The following ARHGAP6 variants were observed in gnomAD, a reference collection of about 807,000 sequenced individuals.
ARHGAP6 encodes rho GTPase-activating protein 6.
A neutral mutation model predicts 55.7 loss-of-function variants in ARHGAP6; 16 were observed. That is an observed-to-expected ratio of 0.29 (90% confidence interval 0.19 to 0.44). ARHGAP6 has a LOEUF of 0.44. Among genes scored for constraint, ARHGAP6 ranks in the 20% least tolerant of loss-of-function variants. The pLI is 1.00. For missense variants in ARHGAP6, 698 were observed against 808.9 expected, an observed-to-expected ratio of 0.86 and a Z score of 1.66; for synonymous variants, 382 against 360.9, an observed-to-expected ratio of 1.06 and a Z score of -0.66.
chrX:11,387,844 G>A (rs2049349623), intron 1 of ARHGAP6, among the ~76,000 whole-genome samples: 1 of 111,203 alleles, frequency 9.0e-6, no homozygotes, highest in Non-Finnish European at 1.9e-5. Context: ...CAGAATGATG[G>A]TTTCCAGCTT....
At chrX:11,278,952 A>G (rs1036421404) in intron 1 of ARHGAP6, among the ~76,000 whole-genome samples, 1 of 111,433 alleles carries the variant, frequency 9.0e-6, no homozygotes, top group Admixed American at 9.6e-5. Flanking sequence ...CTGAGGCACA[A>G]TGGGAAGAAG....
chrX:11,600,295 AC>A (rs1175891373), intron 1 of ARHGAP6, among the ~76,000 whole-genome samples: 1 of 112,409 alleles, frequency 8.9e-6, no homozygotes, highest in Non-Finnish European at 1.9e-5. Context: ...GATTAACCAG[AC>A]TGTCAAGGAC....
chrX:11,497,516 C>G (rs1305156167), intron 1 of ARHGAP6, among the ~76,000 whole-genome samples: 2 of 105,478 alleles, frequency 1.9e-5, no homozygotes, highest in African/African-American at 6.9e-5. Context: ...AAGAGAAAGA[C>G]CAGAGTGTGC....
At chrX:11,375,943 A>G (rs1223510793) in intron 1 of ARHGAP6, among the ~76,000 whole-genome samples, 1 of 112,202 alleles carries the variant, frequency 8.9e-6, no homozygotes, top group Non-Finnish European at 1.9e-5. Flanking sequence ...AAATAGCCAA[A>G]TGAATAAGAA....
At chrX:11,603,839 C>G (rs764770032) in intron 1 of ARHGAP6, among the ~76,000 whole-genome samples, 21 of 111,752 alleles carry the variant, frequency 1.9e-4, no homozygotes, top group African/African-American at 6.5e-4. Flanking sequence ...GAGTATAATA[C>G]ATCAAAATGG....
rs192337259 is a variant in ARHGAP6, at chrX:11,152,195, C to A, written c.1907+4334G>T. On this transcript the variant is annotated intron_variant, in intron 10 of 12. Coordinates refer to ENST00000337414, the MANE Select transcript of ARHGAP6 (RefSeq NM_013427.3). ...CAGATATTAACTCTTAACTAATAGA[C>A]CGCATATATAATAGCAATAGAAATG... Among the ~76,000 whole-genome samples, 397 of 112,000 alleles carry A rather than the reference C, an allele frequency of 3.5e-3. 1 individual carries two copies. Among genetic ancestry groups the A allele is most frequent in the African/African-American group, 0.012 (367 of 30,838 alleles).
At chrX:11,246,204 CAAT>C (rs915335736) in intron 2 of ARHGAP6, among the ~76,000 whole-genome samples, 9 of 110,676 alleles carry the variant, frequency 8.1e-5, no homozygotes, top group Non-Finnish European at 1.3e-4. Flanking sequence ...GCAAAAATGA[CAAT>C]GATGATGATG....
intron 1 of ARHGAP6, among the ~76,000 whole-genome samples, chrX:11,634,594 T>C (rs1187479343): frequency 8.9e-6 from 1 of 111,870 alleles, no homozygotes. Flanking sequence ...TCCAATTAGA[T>C]AAGAATAATT....
At chrX:11,237,433 G>A (rs2047217979) in intron 2 of ARHGAP6, among the ~76,000 whole-genome samples, 1 of 111,771 alleles carries the variant, frequency 8.9e-6, no homozygotes, top group Non-Finnish European at 1.9e-5. Context: ...TAGAGTTCCA[G>A]CCTCTTGAGG....
chrX:11,346,483 G>C (rs112828611), intron 1 of ARHGAP6, among the ~76,000 whole-genome samples: 6,463 of 110,988 alleles, frequency 0.058, 207 homozygotes, highest in African/African-American at 0.12. Flanking sequence ...TTTGGGAGGC[G>C]GAGAGGGGAG....
chrX:11,424,055 A>G (rs2049853988), intron 1 of ARHGAP6, among the ~76,000 whole-genome samples: 1 of 112,855 alleles, frequency 8.9e-6, no homozygotes, highest in Non-Finnish European at 1.9e-5. Context: ...GCAATTTGAC[A>G]ATACAGATAG....
At chrX:11,569,547 C>T (rs58732844) in intron 1 of ARHGAP6, among the ~76,000 whole-genome samples, 2,536 of 111,352 alleles carry the variant, frequency 0.023, 76 homozygotes, top group African/African-American at 0.079. Context: ...AAAACCAAAG[C>T]TCTGACTCTA....
intron 1 of ARHGAP6, among the ~76,000 whole-genome samples, chrX:11,646,491 A>G (rs140800714): frequency 0.016 from 1,815 of 112,122 alleles, 32 homozygotes; most frequent in African/African-American, 0.055. Context: ...CCAAGGTTAC[A>G]AAAATGGTTA....
chrX:11,174,538 C>T (rs1187380495), intron 8 of ARHGAP6, among the ~76,000 whole-genome samples: 2 of 70,697 alleles, frequency 2.8e-5, no homozygotes, highest in African/African-American at 9.8e-5. Flanking sequence ...TCCTTCCTTC[C>T]TTCCTTCCTT....
chrX:11,365,554 G>A (rs1028910292), intron 1 of ARHGAP6, among the ~76,000 whole-genome samples: 11 of 112,275 alleles, frequency 9.8e-5, no homozygotes, highest in Admixed American at 5.6e-4. Flanking sequence ...ATTAAGTAAC[G>A]TATATGCCTA....
intron 1 of ARHGAP6, among the ~76,000 whole-genome samples, chrX:11,399,703 G>T (rs1266518945): frequency 8.9e-6 from 1 of 111,940 alleles, no homozygotes; most frequent in Non-Finnish European, 1.9e-5. Context: ...GCTACTATGT[G>T]ACCCAGCAAT....
chrX:11,347,010 T>C (rs1347609560), intron 1 of ARHGAP6, among the ~76,000 whole-genome samples: 1 of 112,203 alleles, frequency 8.9e-6, no homozygotes, highest in Non-Finnish European at 1.9e-5. Context: ...TAATTAATAA[T>C]GTAACACATT....
chrX:11,272,364 A>C, intron 1 of ARHGAP6, among the ~76,000 whole-genome samples: 1 of 111,048 alleles, frequency 9.0e-6, no homozygotes, highest in African/African-American at 3.3e-5. Context: ...AACCATTGTA[A>C]TGGCCAGAGC....
intron 1 of ARHGAP6, among the ~76,000 whole-genome samples, chrX:11,476,498 G>A (rs1395820331): frequency 1.8e-5 from 2 of 111,657 alleles, no homozygotes; most frequent in African/African-American, 6.5e-5. Flanking sequence ...CAAGAACCCA[G>A]ATTAGCCAAT....
Sources: allele counts gnomAD v4.1 joint callset (sites outside exome capture counted in the v4.1 genomes callset), GRCh38; gene constraint gnomAD v4.1.1; transcripts MANE v1.5; gene names NCBI Gene and HGNC (gene_info 2026-07-23, HGNC 2026-07-21).